MPHOSPH9: variants seen among roughly 807,000 people sequenced by gnomAD.
MPHOSPH9 encodes the protein M-phase phosphoprotein 9.
MPHOSPH9 carries 88 observed loss-of-function variants against 145.5 expected under a neutral mutation model. The observed-to-expected ratio is 0.60, with a 90% CI of 0.51 to 0.72. The LOEUF (loss-of-function observed/expected upper bound fraction) is 0.72. Among genes scored for constraint, MPHOSPH9 ranks in the 30% least tolerant of loss-of-function variants. The pLI is 0.00. For missense variants in MPHOSPH9, 1,238 were observed against 1,386.6 expected (o/e 0.89, Z 1.70); for synonymous variants, 435 against 486.2 (o/e 0.89, Z 1.39).
chr12:123,209,521 C>T (rs1028310210), intron 8 of MPHOSPH9, among the ~76,000 whole-genome samples: 7 of 152,088 alleles, frequency 4.6e-5, no homozygotes, highest in Non-Finnish European at 1.0e-4. Context: ...ATTCTCCTGC[C>T]TCAGCCTCCC....
At position 123,241,742 on chromosome 12, in the gene MPHOSPH9, T is replaced by C. The variant is rs2047941354; in HGVS notation, c.-159+2111A>G. On this transcript the variant is annotated intron_variant, in intron 1 of 2. Coordinates refer to the MPHOSPH9 transcript ENST00000545406. ...CCTCAGCCTCCCAAGTAGCTGGGAC[T>C]GTAGGCTATTATCTTGTTTGCTCCG... is the stretch of plus-strand genomic sequence containing the variant. Among the ~76,000 whole-genome samples the C allele has an allele frequency of 5.3e-5, 8 of 152,358 alleles. No individual in the cohort carries two copies. The South Asian group carries it at 1.7e-3, about 32-fold the overall frequency.
chr12:123,192,898 T>A (rs1485025482), intron 13 of MPHOSPH9, among the ~76,000 whole-genome samples: 2 of 150,902 alleles, frequency 1.3e-5, no homozygotes, highest in African/African-American at 2.4e-5. Context: ...GCCAGCATGG[T>A]GAAATCACAT....
Position 123,239,155 on chromosome 12 carries a change from A to G in MPHOSPH9, c.-159+4698T>C, listed in dbSNP as rs375389213. Among the ~76,000 whole-genome samples, 14 of 152,162 alleles carry G rather than the reference A, an allele frequency of 9.2e-5. No homozygotes were observed. In the East Asian group the frequency reaches 1.7e-3, roughly 19 times the overall value. On this transcript the variant is annotated intron_variant, in intron 1 of 2. Transcript: ENST00000545406. Reference sequence around the variant, plus strand: ...ATGCTGGTACATGCCTGTAGTTCCAACTACTCAGGAGGCTGCGGTGAGAGG... The same window carrying G: ...ATGCTGGTACATGCCTGTAGTTCCAGCTACTCAGGAGGCTGCGGTGAGAGG...
At chr12:123,185,592 AT>A (rs1416730754) in intron 13 of MPHOSPH9, among the ~76,000 whole-genome samples, 1 of 152,082 alleles carries the variant, frequency 6.6e-6, no homozygotes, top group Non-Finnish European at 1.5e-5. Context: ...AAAAAATAAA[AT>A]TAGCCAGGTG....
At chr12:123,163,334 T>C (rs1204194685) in intron 19 of MPHOSPH9, 200 bp from the exon 20 acceptor site, 6 of 512,994 alleles carry the variant, frequency 1.2e-5, no homozygotes, top group Non-Finnish European at 1.6e-5. Context: ...CACTGTAGTA[T>C]ATCAGACAGT....
intron 7 of MPHOSPH9, among the ~76,000 whole-genome samples, chr12:123,210,815 CAG>C (rs1402951360): frequency 2.6e-5 from 4 of 151,848 alleles, no homozygotes; most frequent in African/African-American, 9.7e-5. Context: ...TTTTTTGAGA[CAG>C]AGTCTCGCTC....
chr12:123,164,400 ATTTAT>A (rs2044227176), intron 18 of MPHOSPH9, among the ~76,000 whole-genome samples: 1 of 152,206 alleles, frequency 6.6e-6, no homozygotes, highest in South Asian at 2.1e-4. Flanking sequence ...CAGGTTACTA[ATTTAT>A]TTACTAAGAG....
chr12:123,226,317 A>G, intron 3 of MPHOSPH9: 1 of 1,159,194 alleles, frequency 8.6e-7, no homozygotes, highest in South Asian at 1.7e-5. Flanking sequence ...CGAATTCTTA[A>G]ACCAGGTAAT....
intron 17 of MPHOSPH9, chr12:123,165,696 GCT>G: frequency 2.2e-6 from 1 of 461,196 alleles, no homozygotes; most frequent in Non-Finnish European, 3.9e-6. Context: ...AGGCAGGAGC[GCT>G]CTCTCTGTGC....
At chr12:123,192,647 A>G (rs1166031387) in intron 13 of MPHOSPH9, among the ~76,000 whole-genome samples, 2 of 150,064 alleles carry the variant, frequency 1.3e-5, no homozygotes, top group African/African-American at 4.9e-5. Flanking sequence ...AAAAAAAAAA[A>G]AAAAAAAAAA....
intron 19 of MPHOSPH9, chr12:123,163,441 A>C: frequency 3.9e-6 from 1 of 254,174 alleles, no homozygotes; most frequent in East Asian, 8.7e-5. Context: ...CATTCCTATA[A>C]CACAATAATA....
In MPHOSPH9 at chr12:123,156,927, A is replaced by G. The variant is rs770583424; in HGVS notation, c.3451-19T>C. 2 of 1,579,564 alleles carry G rather than the reference A, an allele frequency of 1.3e-6. No homozygotes were observed. Among genetic ancestry groups the G allele is most frequent in the East Asian group, 4.5e-5 (2 of 44,526 alleles). ...AGGCTTCCTAGGTGAAAACAATGGG[A>G]AAAGTTTAATTAGAATTCTATACCA... On this transcript the variant is annotated intron_variant, in intron 23 of 23. Transcript: ENST00000606320.
chr12:123,178,943 C>A (rs954393128), intron 15 of MPHOSPH9, among the ~76,000 whole-genome samples: 21 of 152,180 alleles, frequency 1.4e-4, no homozygotes, highest in African/African-American at 5.1e-4. Context: ...AAGTAGATGA[C>A]CATAATTTTG....
At chr12:123,179,756 C>A (rs990655828) in intron 15 of MPHOSPH9, among the ~76,000 whole-genome samples, 170 bp downstream of exon 15, 3 of 147,974 alleles carry the variant, frequency 2.0e-5, no homozygotes, top group African/African-American at 7.4e-5. Flanking sequence ...GAGAAGAAAT[C>A]TTGTTTGGCT....
chr12:123,212,786 T>TTTTTTTTTTTC (rs58302643), intron 7 of MPHOSPH9, among the ~76,000 whole-genome samples: 1 of 139,636 alleles, frequency 7.2e-6, no homozygotes, highest in Non-Finnish European at 1.5e-5. Flanking sequence ...TTTTTTTTTT[T>TTTTTTTTTTTC]ACTTTATCAT....
At chr12:123,201,608 G>A (rs1166278237) in intron 11 of MPHOSPH9, among the ~76,000 whole-genome samples, 1 of 151,924 alleles carries the variant, frequency 6.6e-6, no homozygotes, top group Non-Finnish European at 1.5e-5. Context: ...TTGAACTCCT[G>A]AGCTCAAGAG....
Position 123,221,642 on chromosome 12 carries a change from G to T in MPHOSPH9, c.602C>A (p.Thr201Asn). Residue 201 changes from threonine (T) to asparagine (N), a missense_variant, in exon 5 of 24, where the codon ACC (threonine) becomes AAC (asparagine). Physicochemically the swap from Thr to Asn is moderately conservative, Grantham distance 65. Transcript: ENST00000606320. The stretch of plus-strand genomic sequence containing the variant: ...CAGATTTAATTCTGAGATACAAAAG[G>T]TGCCATATCCACTGCTTACTGAGCA... ...DSCSVSSGYG[T>N]FCISELNLYK... The T allele has an allele frequency of 5.0e-6, 8 of 1,614,156 alleles. No homozygotes were observed. The highest frequency in any genetic ancestry group is 6.8e-6 in the Non-Finnish European group (8 of 1,180,032).
chr12:123,206,272 G>C (rs2046426194), intron 8 of MPHOSPH9, among the ~76,000 whole-genome samples: 2 of 147,110 alleles, frequency 1.4e-5, no homozygotes, highest in Admixed American at 7.1e-5. Context: ...GCAACATAGA[G>C]AGACCTTGCC....
rs199894915 is a variant in MPHOSPH9, at chr12:123,165,476, G to T, written c.2593C>A (p.His865Asn). ...NQLEETCSLG[H>N]RSPLEKDSSP... ...GAATCCTTTTCCAGAGGTGAACGGT[G>T]CCTTAAACAATAATTTTAAGACATA... The change falls in exon 18 of 24, where the codon CAC becomes AAC. Residue 865 changes from histidine to asparagine, a missense_variant and splice_region_variant. Physicochemically the swap from His to Asn is moderately conservative, Grantham distance 68 (BLOSUM62 1). Around this residue, in one of 3 missense-constraint regions of MPHOSPH9, gnomAD observed 393 missense variants for 462.5 expected, o/e 0.85. Coordinates refer to ENST00000606320, the MANE Select transcript of MPHOSPH9 (RefSeq NM_022782.4). 3 of 1,612,380 alleles carry T rather than the reference G, an allele frequency of 1.9e-6. No homozygotes were observed. Among genetic ancestry groups the T allele is most frequent in the African/African-American group, 2.7e-5 (2 of 74,878 alleles).
Sources: gnomAD v4.1 joint callset for allele counts (sites outside exome capture counted in the v4.1 genomes callset) on GRCh38, gnomAD v4.1.1 for gene constraint, gnomAD v4.1.1 regional missense constraint, MANE v1.5 for transcripts, NCBI Gene and HGNC (gene_info 2026-07-23, HGNC 2026-07-21) for gene names.